The following CCNYL1 variants were observed in gnomAD, a reference collection of about 807,000 sequenced individuals.
CCNYL1 encodes cyclin-Y-like protein 1.
CCNYL1 carries 16 observed loss-of-function variants against 44.2 expected under a neutral mutation model. That is an observed-to-expected ratio of 0.36 (90% confidence interval 0.25 to 0.55). The LOEUF (loss-of-function observed/expected upper bound fraction) is 0.55. CCNYL1 is among the 20% of genes least tolerant of loss of function. CCNYL1 has a pLI of 0.85. For missense variants in CCNYL1, 348 were observed against 451.8 expected (o/e 0.77, Z 2.08); for synonymous variants, 159 against 163.2 (o/e 0.97, Z 0.20).
rs1020852184 is a variant in CCNYL1, at chr2:207,751,035, C to T, written c.885C>T (p.Tyr295=). ...NVPASVYAKY[Y]FDLRSLADDN... ...CTGCCAGTGTTTATGCCAAATACTA[C>T]TTTGACCTTCGCTCCTTAGCAGATG... Residue 295 remains tyrosine (Y), a synonymous_variant, in exon 9 of 10, where the codon TAC becomes TAT. Coordinates refer to ENST00000295414, the MANE Select transcript of CCNYL1 (RefSeq NM_001330218.2). 1 of 1,613,764 alleles carries T rather than the reference C, an allele frequency of 6.2e-7. No individual in the cohort carries two copies. The highest frequency in any genetic ancestry group is 2.2e-5 in the East Asian group (1 of 44,878).
intron 1 of CCNYL1, 117 bp from the exon 2 acceptor site, chr2:207,724,681 TTA>T: frequency 1.4e-6 from 1 of 718,746 alleles, no homozygotes. Context: ...TCCTTTATAT[TTA>T]TTACTAAAAA....
intron 1 of CCNYL1, among the ~76,000 whole-genome samples, chr2:207,722,115 C>T (rs931360088): frequency 6.7e-6 from 1 of 149,536 alleles, no homozygotes; most frequent in Non-Finnish European, 1.5e-5. Flanking sequence ...CTCTGTTGAC[C>T]AGGCTGGGGG....
Position 207,724,779 on chromosome 2 carries a change from CT to C in CCNYL1, c.221-16del, listed in dbSNP as rs1286150951. ...TTTCTACTCACCTAAAGTGTCACGT[CT>C]TTTTCCTCCTCTTCTATAGATTTAG... is the stretch of plus-strand genomic sequence containing the variant. On this transcript the variant is annotated intron_variant, in intron 1 of 9. Transcript: ENST00000295414. The C allele has an allele frequency of 1.3e-6, 2 of 1,586,814 alleles. No homozygotes were observed. Among genetic ancestry groups the C allele is most frequent in the Middle Eastern group, 1.7e-4 (1 of 6,024 alleles).
rs111976887 is a variant in CCNYL1, at chr2:207,711,689, C to T, written c.-208C>T. On this transcript the variant is annotated 5_prime_UTR_variant, in exon 1 of 10. Transcript: ENST00000295414. ...CGGCGGCAGCGCGGCGGTGGGGGTG[C>T]GGCCGAGGCCCGAGCCCTGCCCGGG... 5 of 156,510 alleles carry T rather than the reference C, an allele frequency of 3.2e-5. No homozygotes were observed. The highest frequency in any genetic ancestry group is 2.6e-4 in the Admixed American group (4 of 15,270). The allele number at this position is 156,510 out of a possible 1,614,324, so 9.7% of individuals were successfully genotyped here.
intron 7 of CCNYL1, among the ~76,000 whole-genome samples, chr2:207,743,612 GA>G (rs1341301637): frequency 1.3e-5 from 2 of 152,058 alleles, no homozygotes; most frequent in Non-Finnish European, 2.9e-5. Flanking sequence ...GTGGATAGAA[GA>G]TAGATCTCTA....
intron 1 of CCNYL1, among the ~76,000 whole-genome samples, chr2:207,716,937 G>A (rs1013989231): frequency 9.9e-5 from 15 of 151,942 alleles, no homozygotes; most frequent in African/African-American, 3.4e-4. Flanking sequence ...GTGAAACCCC[G>A]TCTCTACGAA....
chr2:207,717,106 C>G (rs1359952574), intron 1 of CCNYL1, among the ~76,000 whole-genome samples: 1 of 135,838 alleles, frequency 7.4e-6, no homozygotes, highest in East Asian at 2.1e-4. Context: ...GAGACTCCAT[C>G]TCAAAAAAAA....
At position 207,755,830 on chromosome 2, in the gene CCNYL1, A is replaced by T; in HGVS notation, c.*2132A>T. 1 of 152,340 alleles carries T rather than the reference A, an allele frequency of 6.6e-6. No individual in the cohort carries two copies. The highest frequency in any genetic ancestry group is 1.9e-4 in the East Asian group (1 of 5,182). The allele number at this position is 152,340 out of a possible 1,614,324, so 9.4% of individuals were successfully genotyped here. On this transcript the variant is annotated 3_prime_UTR_variant, in exon 10 of 10. Transcript: ENST00000295414. Reference sequence around the variant, plus strand: ...TACTAAGAAGAGGTTAGTGTTCTCAACTATGTGAAATCTGTTTCTCCTACT... The same window carrying T: ...TACTAAGAAGAGGTTAGTGTTCTCATCTATGTGAAATCTGTTTCTCCTACT...
chr2:207,732,791 A>G (rs1314150199), intron 3 of CCNYL1, among the ~76,000 whole-genome samples: 2 of 152,236 alleles, frequency 1.3e-5, no homozygotes, highest in Non-Finnish European at 2.9e-5. Context: ...TTTATTTTCT[A>G]GAGGGCTCAA....
chr2:207,731,917 C>T (rs575797727), intron 3 of CCNYL1, among the ~76,000 whole-genome samples: 1 of 148,174 alleles, frequency 6.7e-6, no homozygotes, highest in East Asian at 2.0e-4. Flanking sequence ...TCAAGTGATT[C>T]TCTTGCCTCG....
intron 7 of CCNYL1, among the ~76,000 whole-genome samples, chr2:207,743,646 G>A (rs1451129502): frequency 1.3e-5 from 2 of 152,152 alleles, no homozygotes; most frequent in Non-Finnish European, 2.9e-5. Context: ...ATTTTTGAGG[G>A]ACAAGCTCCC....
In CCNYL1 at chr2:207,754,828, T is replaced by G. The variant is rs2091919283; in HGVS notation, c.*1130T>G. On this transcript the variant is annotated 3_prime_UTR_variant, in exon 10 of 10. Transcript: ENST00000295414. Reference sequence around the variant, plus strand: ...GAATATTAAGCTTTTAATTTTTTGTTTCGGTCACTCTTGATAGCAGACATT... The same window carrying G: ...GAATATTAAGCTTTTAATTTTTTGTGTCGGTCACTCTTGATAGCAGACATT... The G allele has an allele frequency of 6.5e-6, 1 of 153,956 alleles. No homozygotes were observed. The highest frequency in any genetic ancestry group is 2.4e-5 in the African/African-American group (1 of 41,472). The allele number at this position is 153,956 out of a possible 1,614,324, so 9.5% of individuals were successfully genotyped here. A position where few individuals can be genotyped will look rare whatever the true frequency, so the allele number is the denominator to read the frequency against.
chr2:207,741,882 G>A (rs2091813777), intron 6 of CCNYL1, among the ~76,000 whole-genome samples: 1 of 150,564 alleles, frequency 6.6e-6, no homozygotes, highest in South Asian at 2.1e-4. Context: ...CGGGCGTGGT[G>A]TCTCACGCGT....
At chr2:207,738,840 C>G (rs1279471934) in intron 5 of CCNYL1, among the ~76,000 whole-genome samples, 1 of 152,138 alleles carries the variant, frequency 6.6e-6, no homozygotes, top group Non-Finnish European at 1.5e-5. Flanking sequence ...CTGTCTCAAC[C>G]TCCCAAGTAG....
At chr2:207,745,743 G>A (rs1351097086) in intron 7 of CCNYL1, among the ~76,000 whole-genome samples, 1 of 152,172 alleles carries the variant, frequency 6.6e-6, no homozygotes, top group Non-Finnish European at 1.5e-5. Context: ...GAGGCCAGGA[G>A]TTTGAGACCA....
At chr2:207,712,910 G>C (rs1037717777) in intron 1 of CCNYL1, among the ~76,000 whole-genome samples, 1 of 152,220 alleles carries the variant, frequency 6.6e-6, no homozygotes, top group South Asian at 2.1e-4. Context: ...CCGCCTCTCG[G>C]TTTCAAGCGA....
chr2:207,727,835 G>A (rs2091692162), intron 3 of CCNYL1, among the ~76,000 whole-genome samples: 1 of 152,048 alleles, frequency 6.6e-6, no homozygotes, highest in Non-Finnish European at 1.5e-5. Flanking sequence ...CCTAGATTCT[G>A]TGTTTCCCTC....
intron 7 of CCNYL1, 31 bp from the exon 8 acceptor site, chr2:207,747,016 T>TA: frequency 1.3e-6 from 2 of 1,531,810 alleles, no homozygotes; most frequent in East Asian, 4.6e-5. Context: ...TAAACTGAAC[T>TA]AAAATCAAAG....
intron 1 of CCNYL1, among the ~76,000 whole-genome samples, chr2:207,716,034 A>G (rs1334590747): frequency 2.0e-5 from 3 of 152,152 alleles, no homozygotes; most frequent in Non-Finnish European, 2.9e-5. Flanking sequence ...GACTCAAAGT[A>G]TTTTCTACTA....
Sources: gnomAD v4.1 joint callset for allele counts (sites outside exome capture counted in the v4.1 genomes callset) on GRCh38, gnomAD v4.1.1 for gene constraint, MANE v1.5 for transcripts, NCBI Gene and HGNC (gene_info 2026-07-23, HGNC 2026-07-21) for gene names.